AHSG: variants seen among roughly 807,000 people sequenced by gnomAD.
AHSG encodes the protein alpha-2-HS-glycoprotein.
AHSG carries 23 observed loss-of-function variants against 30.1 expected under a neutral mutation model. That is an observed-to-expected ratio of 0.76 (90% confidence interval 0.55 to 1.08). The LOEUF (loss-of-function observed/expected upper bound fraction) is 1.08. AHSG is among the 50% of genes least tolerant of loss of function. The pLI is 0.00. For missense variants in AHSG, 469 were observed against 459.5 expected (o/e 1.02, Z -0.19); for synonymous variants, 164 against 186.3 (o/e 0.88, Z 0.98).
chr3:186,619,951 C>T lies in AHSG; in HGVS notation c.759+11C>T, dbSNP rs767078835. The T allele has an allele frequency of 6.9e-6, 11 of 1,600,036 alleles. No individual in the cohort carries two copies. The East Asian group carries it at 1.3e-4, about 19-fold the overall frequency. On this transcript the variant is annotated intron_variant, in intron 6 of 6. Transcript: ENST00000411641. ...GTGTTCCAAACACAGGTAACAGCTC[C>T]GTGAATATTCTTGCCTACACCTTCA...
chr3:186,620,032 C>T (rs1716430344), intron 6 of AHSG, 92 bp downstream of exon 6: 2 of 899,730 alleles, frequency 2.2e-6, no homozygotes, highest in Non-Finnish European at 3.4e-6. Flanking sequence ...AGGACATTTG[C>T]TCTCCTGTGC....
In AHSG at chr3:186,615,698, A is replaced by G; in HGVS notation, c.227A>G (p.Glu76Gly). ...TTGTCTCCACAGCAGCCCTCCGGAG[A>G]GCTGTTTGAGATTGAAATAGACACC... ...VKVWPQQPSG[E>G]LFEIEIDTLE... Residue 76 changes from glutamate (E) to glycine (G), a missense_variant, in exon 2 of 7, where the codon GAG (glutamate) becomes GGG (glycine). Physicochemically the swap from Glu to Gly is moderately conservative, Grantham distance 98 (BLOSUM62 -2). Transcript: ENST00000411641. The G allele has an allele frequency of 1.2e-6, 2 of 1,613,982 alleles. No individual in the cohort carries two copies. Among genetic ancestry groups the G allele is most frequent in the Non-Finnish European group, 1.7e-6 (2 of 1,179,876 alleles).
In AHSG at chr3:186,617,245, C is replaced by G. The variant is rs373886640; in HGVS notation, c.468C>G (p.Asn156Lys). ...CQDCPLLAPLNDTRVVHAAKA... is the reference protein window; with the variant it reads ...CQDCPLLAPLKDTRVVHAAKA... ...ACTGCCCCCTGCTGGCCCCGCTGAA[C>G]GACACCAGGGTGGTGCACGCCGCGA... Residue 156 changes from asparagine (N) to lysine (K), a missense_variant, in exon 4 of 7, where the codon AAC (asparagine) becomes AAG (lysine). Physicochemically the swap from Asn to Lys is moderately conservative, Grantham distance 94. Transcript: ENST00000411641. 2.5e-6 allele frequency: 4 copies of G among 1,614,186 alleles called. No homozygotes were observed. Among genetic ancestry groups the G allele is most frequent in the Admixed American group, 1.7e-5 (1 of 60,028 alleles).
In AHSG at chr3:186,620,846, C is replaced by A; in HGVS notation, c.1020C>A (p.Arg340=). 6.2e-7 allele frequency: 1 copy of A among 1,614,174 alleles called. No homozygotes were observed. Among genetic ancestry groups the A allele is most frequent in the Non-Finnish European group, 8.5e-7 (1 of 1,180,046 alleles). Residue 340 remains arginine, a synonymous_variant, in exon 7 of 7, where the codon CGC becomes CGA. Transcript: ENST00000411641. ...SGEVSHPRKT[R]TVVQPSVGAA... ...AAGTGTCGCACCCCCGGAAAACACG[C>A]ACAGTGGTGCAGCCTAGTGTTGGTG...
At position 186,620,823 on chromosome 3, in the gene AHSG, G is replaced by A. The variant is rs374234957; in HGVS notation, c.997G>A (p.Val333Met). The part of the protein sequence containing the change: ...VVSLGSPSGE[V>M]SHPRKTRTVV... ...CTCATTGGGGTCACCCTCAGGAGAA[G>A]TGTCGCACCCCCGGAAAACACGCAC... The change falls in exon 7 of 7, where the codon GTG (valine) becomes ATG (methionine). Residue 333 changes from valine to methionine, a missense_variant. By Grantham distance (21) the Val-to-Met change is conservative. Coordinates refer to ENST00000411641, the MANE Select transcript of AHSG (RefSeq NM_001622.4). 4 of 1,614,106 alleles carry A rather than the reference G, an allele frequency of 2.5e-6. No homozygotes were observed. Among genetic ancestry groups the A allele is most frequent in the Non-Finnish European group, 3.4e-6 (4 of 1,180,054 alleles).
At chr3:186,620,539 C>T in intron 6 of AHSG, 47 bp from the exon 7 acceptor site, 1 of 1,521,458 alleles carries the variant, frequency 6.6e-7, no homozygotes, top group African/African-American at 1.4e-5. Context: ...GTTGTCTTGC[C>T]TGGGAGGAGG....
chr3:186,620,493 G>A (rs1716446943), intron 6 of AHSG, 93 bp from the exon 7 acceptor site: 11 of 1,041,600 alleles, frequency 1.1e-5, no homozygotes, highest in Admixed American at 8.9e-5. Flanking sequence ...TGTATAATGT[G>A]AGGAAATTGG....
In AHSG at chr3:186,617,172, C is replaced by T. The variant is rs772933314; in HGVS notation, c.410-15C>T. On this transcript the variant is annotated splice_polypyrimidine_tract_variant and intron_variant, in intron 3 of 6. Coordinates refer to ENST00000411641, the MANE Select transcript of AHSG (RefSeq NM_001622.4). ...AGAATGGCTGCCCACATCCTGGTTT[C>T]CTCTCTCCGAGCAGACTCAGCCGAG... The T allele has an allele frequency of 6.2e-7, 1 of 1,600,986 alleles. No individual in the cohort carries two copies. The highest frequency in any genetic ancestry group is 1.1e-5 in the South Asian group (1 of 89,004).
intron 5 of AHSG, among the ~76,000 whole-genome samples, chr3:186,619,092 C>G (rs1021122158): frequency 6.6e-6 from 1 of 152,026 alleles, no homozygotes; most frequent in Non-Finnish European, 1.5e-5. Flanking sequence ...GTCAGGAGAT[C>G]GAGACCATCC....
At chr3:186,615,623 G>T (rs1400792601) in intron 1 of AHSG, 62 bp from the exon 2 acceptor site, 1 of 1,390,832 alleles carries the variant, frequency 7.2e-7, no homozygotes, top group Non-Finnish European at 1.0e-6. Context: ...GGCGCATACC[G>T]TGGACCGCAC....
rs777722712 is a variant in AHSG, at chr3:186,618,650, G to T, written c.675+13G>T. On this transcript the variant is annotated intron_variant, in intron 5 of 6. Transcript: ENST00000411641. ...GCTGGCAGAAAAGGTGAGTGGGCCG[G>T]GACCTTGGGGTGTTACCACTCGGAC... The T allele has an allele frequency of 3.1e-6, 5 of 1,613,372 alleles. No individual in the cohort carries two copies. In the Admixed American group the frequency reaches 8.3e-5, roughly 27 times the overall value.
Position 186,620,706 on chromosome 3 carries a change from C to A in AHSG, c.880C>A (p.Pro294Thr). The change falls in exon 7 of 7, where the codon CCC (proline) becomes ACC (threonine). Residue 294 changes from proline (P) to threonine (T), a missense_variant. Coordinates refer to ENST00000411641, the MANE Select transcript of AHSG (RefSeq NM_001622.4). ...ACCTGGACTCCCTCCAGCTGGCTCA[C>A]CCCCAGACTCCCATGTGTTACTGGC... ...GAPGLPPAGS[P>T]PDSHVLLAAP... 6.2e-7 allele frequency: 1 copy of A among 1,614,190 alleles called. No homozygotes were observed. Among genetic ancestry groups the A allele is most frequent in the Non-Finnish European group, 8.5e-7 (1 of 1,180,034 alleles).
intron 6 of AHSG, 142 bp from the exon 7 acceptor site, chr3:186,620,444 G>A (rs1029353): frequency 0.42 from 305,767 of 728,622 alleles, 68,321 homozygotes; most frequent in East Asian, 0.59. Context: ...CCTTGTACTT[G>A]GGTAGGTCCT....
chr3:186,615,538 C>T lies in AHSG; in HGVS notation c.214-147C>T, dbSNP rs559601805. On this transcript the variant is annotated intron_variant, in intron 1 of 6. Transcript: ENST00000411641. Reference sequence around the variant, plus strand: ...GCCCACAGGCCAGTTCAGAGCTAGACGGAGTTGCAGACTGACAGTAAGAAT... The same window carrying T: ...GCCCACAGGCCAGTTCAGAGCTAGATGGAGTTGCAGACTGACAGTAAGAAT... 1.1e-3 allele frequency: 721 copies of T among 648,640 alleles called. 12 individuals carry two copies. In the South Asian group the frequency reaches 0.012, roughly 11 times the overall value. The allele number at this position is 648,640 out of a possible 1,614,324, so 40.2% of individuals were successfully genotyped here. A position where few individuals can be genotyped will look rare whatever the true frequency, so the allele number is the denominator to read the frequency against.
At chr3:186,616,602 TAAG>T (rs1716312835) in intron 3 of AHSG, 75 bp downstream of exon 3, 1 of 1,250,824 alleles carries the variant, frequency 8.0e-7, no homozygotes, top group African/African-American at 1.5e-5. Context: ...ATTTTCAACT[TAAG>T]TAGTTCTAGC....
rs1716300727 is a variant in AHSG, at chr3:186,616,251, C to T, written c.325-192C>T. 2.0e-5 allele frequency among the ~76,000 whole-genome samples: 3 copies of T among 152,330 alleles called. No homozygotes were observed. The East Asian group carries it at 5.8e-4, about 29-fold the overall frequency. On this transcript the variant is annotated intron_variant, in intron 2 of 6. Coordinates refer to ENST00000411641, the MANE Select transcript of AHSG (RefSeq NM_001622.4). ...TAAATAAAATTGCCATTTGATGCCA[C>T]TTGCCCTGGGGCTGATTTTTACAAG... is the stretch of plus-strand genomic sequence containing the variant.
intron 4 of AHSG, 63 bp from the exon 5 acceptor site, chr3:186,618,473 C>T: frequency 1.3e-6 from 2 of 1,590,256 alleles, no homozygotes; most frequent in Non-Finnish European, 1.7e-6. Context: ...TCCCGCTCTC[C>T]TTCTCTGCCC....
rs534828104 is a variant in AHSG, at chr3:186,618,566, A to G, written c.604A>G (p.Thr202Ala). 6.2e-7 allele frequency: 1 copy of G among 1,614,084 alleles called. No individual in the cohort carries two copies. ...CCCACCTTCTACCTATGTGGAGTTT[A>G]CAGTGTCTGGCACTGACTGTGTTGC... ...PLPPSTYVEFTVSGTDCVAKE... is the reference protein window; with the variant it reads ...PLPPSTYVEFAVSGTDCVAKE... Residue 202 changes from threonine to alanine, a missense_variant, in exon 5 of 7, where the codon ACA becomes GCA. Coordinates refer to ENST00000411641, the MANE Select transcript of AHSG (RefSeq NM_001622.4).
intron 3 of AHSG, 45 bp downstream of exon 3, chr3:186,616,572 G>A (rs1172726375): frequency 1.4e-6 from 2 of 1,469,408 alleles, no homozygotes; most frequent in African/African-American, 1.4e-5. Context: ...TGTAGAGAAA[G>A]TGGGGAAGGG....
Sources: allele counts gnomAD v4.1 joint callset (sites outside exome capture counted in the v4.1 genomes callset), GRCh38; gene constraint gnomAD v4.1.1; transcripts MANE v1.5; gene names NCBI Gene and HGNC (gene_info 2026-07-23, HGNC 2026-07-21).